DCC: variants seen among roughly 807,000 people sequenced by gnomAD.
The protein encoded by DCC is DCC netrin 1 receptor.
Under a neutral mutation model 172.5 loss-of-function variants are expected in DCC, and 58 were observed. The observed-to-expected ratio is 0.34, with a 90% confidence interval of 0.27 to 0.42. The LOEUF is 0.42. Ranked by LOEUF, DCC falls within the 10% of genes least tolerant of loss-of-function variation. The pLI, the probability that DCC is intolerant of heterozygous loss-of-function variation, is 1.00. For missense variants in DCC, 1,740 were observed against 1,791.0 expected, an observed-to-expected ratio of 0.97 and a Z score of 0.51; for synonymous variants, 709 against 644.5, an observed-to-expected ratio of 1.10 and a Z score of -1.52.
intron 13 of DCC, among the ~76,000 whole-genome samples, chr18:53,313,948 GA>G (rs2057314381): frequency 6.6e-6 from 1 of 152,130 alleles, no homozygotes; most frequent in Non-Finnish European, 1.5e-5. Context: ...CAGGGTATTT[GA>G]AAAATCAAGA....
chr18:52,512,037 C>T (rs992598660), intron 1 of DCC, among the ~76,000 whole-genome samples: 11 of 152,112 alleles, frequency 7.2e-5, no homozygotes, highest in Non-Finnish European at 1.5e-4. Context: ...TTTGACAATG[C>T]TGGCCATTAA....
chr18:53,357,311 G>C (rs1284164918), intron 15 of DCC, among the ~76,000 whole-genome samples: 2 of 152,128 alleles, frequency 1.3e-5, no homozygotes, highest in Non-Finnish European at 2.9e-5. Flanking sequence ...CTTTTATCCT[G>C]TGGAGAAATG....
chr18:52,698,554 A>G (rs543891386), intron 1 of DCC, among the ~76,000 whole-genome samples: 5 of 151,376 alleles, frequency 3.3e-5, no homozygotes, highest in Admixed American at 6.6e-5. Context: ...CATGTTCCCC[A>G]CTGTTCCTGA....
intron 7 of DCC, among the ~76,000 whole-genome samples, chr18:53,114,654 G>A (rs1412955506): frequency 1.3e-5 from 2 of 151,506 alleles, no homozygotes; most frequent in Non-Finnish European, 3.0e-5. Context: ...TCTTTGCAAA[G>A]TAGAGTGGTG....
intron 5 of DCC, among the ~76,000 whole-genome samples, chr18:52,998,104 T>TAAAATTA (rs147294365): frequency 2.0e-5 from 3 of 151,858 alleles, no homozygotes; most frequent in East Asian, 2.0e-4. Flanking sequence ...AAATTAAAAT[T>TAAAATTA]AAATTAAAAG....
intron 12 of DCC, among the ~76,000 whole-genome samples, chr18:53,252,107 A>G (rs1007409285): frequency 2.6e-5 from 4 of 151,962 alleles, no homozygotes; most frequent in African/African-American, 9.7e-5. Flanking sequence ...ATTTTGTCAG[A>G]TTTAAGTCAA....
chr18:52,463,917 T>A (rs1379357648), intron 1 of DCC, among the ~76,000 whole-genome samples: 1 of 152,204 alleles, frequency 6.6e-6, no homozygotes, highest in Non-Finnish European at 1.5e-5. Context: ...ATCTAAAGCC[T>A]TTGGAAGAGT....
chr18:52,948,119 A>G lies in DCC; in HGVS notation c.985+22749A>G, dbSNP rs189374357. ...GGGAGATAGTAACTGGAAAAATCTA[A>G]AAGAATGTTGTTACTGATTCAGGAT... is the stretch of plus-strand genomic sequence containing the variant. On this transcript the variant is annotated intron_variant, in intron 5 of 28. Transcript: ENST00000442544. Among the ~76,000 whole-genome samples, 17 of 152,300 alleles carry G rather than the reference A, an allele frequency of 1.1e-4. No individual in the cohort carries two copies. In the East Asian group the frequency reaches 2.3e-3, roughly 21 times the overall value.
chr18:53,314,758 C>T (rs565010874), intron 13 of DCC, among the ~76,000 whole-genome samples: 2 of 152,126 alleles, frequency 1.3e-5, no homozygotes, highest in South Asian at 4.2e-4. Context: ...ACTTCAAAGA[C>T]ATTTGGCAGG....
At chr18:52,927,436 C>T (rs1032093902) in intron 5 of DCC, among the ~76,000 whole-genome samples, 9 of 151,682 alleles carry the variant, frequency 5.9e-5, no homozygotes, top group Non-Finnish European at 1.2e-4. Flanking sequence ...ATTTCTATAC[C>T]TCTGAAGTGA....
chr18:52,912,919 T>A (rs1323419536), intron 3 of DCC, among the ~76,000 whole-genome samples: 1 of 152,042 alleles, frequency 6.6e-6, no homozygotes, highest in East Asian at 1.9e-4. Context: ...TATAACACAA[T>A]AATTAATGGT....
chr18:52,611,478 A>T (rs2034276406), intron 1 of DCC, among the ~76,000 whole-genome samples: 1 of 152,190 alleles, frequency 6.6e-6, no homozygotes, highest in Non-Finnish European at 1.5e-5. Context: ...CCCTTGATAC[A>T]AAGCATGTGT....
At chr18:53,351,011 G>A in intron 15 of DCC, among the ~76,000 whole-genome samples, 1 of 150,288 alleles carries the variant, frequency 6.7e-6, no homozygotes, top group East Asian at 2.0e-4. Flanking sequence ...AGGAAGAATG[G>A]ATTTTCTCTT....
At chr18:52,988,679 G>A (rs1211467088) in intron 5 of DCC, among the ~76,000 whole-genome samples, 1 of 151,892 alleles carries the variant, frequency 6.6e-6, no homozygotes, top group East Asian at 1.9e-4. Context: ...TTTATGTGTT[G>A]TGCATATAAA....
intron 5 of DCC, among the ~76,000 whole-genome samples, chr18:53,046,910 G>A (rs1430859495): frequency 6.6e-6 from 1 of 151,744 alleles, no homozygotes; most frequent in African/African-American, 2.4e-5. Flanking sequence ...GGGAGTCAGA[G>A]CTCCTGTCTT....
In DCC at chr18:53,271,895, T is replaced by G. The variant is rs147994097; in HGVS notation, c.1912-33683T>G. ...AGTAATAACAGATCACTGAATGTAT[T>G]GTCACCTGCCTATTTTTATAGTTAA... On this transcript the variant is annotated intron_variant, in intron 12 of 28. Transcript: ENST00000442544. Among the ~76,000 whole-genome samples, 619 of 152,280 alleles carry G rather than the reference T, an allele frequency of 4.1e-3. 6 individuals carry two copies. The Middle Eastern group carries it at 0.054, about 13-fold the overall frequency.
chr18:53,082,272 C>A (rs980219575), intron 7 of DCC, among the ~76,000 whole-genome samples: 4 of 152,066 alleles, frequency 2.6e-5, no homozygotes, highest in South Asian at 2.1e-4. Flanking sequence ...ACTCACCTTG[C>A]AAGCATAATA....
intron 1 of DCC, among the ~76,000 whole-genome samples, chr18:52,405,047 T>A (rs1317868177): frequency 6.6e-6 from 1 of 151,826 alleles, no homozygotes; most frequent in Admixed American, 6.6e-5. Context: ...CACATTTTCT[T>A]AATCCAGTCT....
At chr18:52,614,905 A>G (rs1006817742) in intron 1 of DCC, among the ~76,000 whole-genome samples, 23 of 152,324 alleles carry the variant, frequency 1.5e-4, no homozygotes, top group African/African-American at 4.6e-4. Flanking sequence ...CAGAGTGGCT[A>G]CTGAGAGAAT....
Sources: gnomAD v4.1 joint callset for allele counts (sites outside exome capture counted in the v4.1 genomes callset) on GRCh38, gnomAD v4.1.1 for gene constraint, MANE v1.5 for transcripts, NCBI Gene and HGNC (gene_info 2026-07-23, HGNC 2026-07-21) for gene names.